LHFPL3: variants seen among roughly 807,000 people sequenced by gnomAD.
LHFPL3 encodes LHFPL tetraspan subfamily member 3, also known as LHFPL tetraspan subfamily member 3 protein.
Under a neutral mutation model 19.3 loss-of-function variants are expected in LHFPL3, and 5 were observed. That is an observed-to-expected ratio of 0.26 (90% CI 0.14 to 0.54). The LOEUF is 0.54. LHFPL3 is among the 20% of genes least tolerant of loss of function. The pLI is 0.94. For missense variants in LHFPL3, 249 were observed against 307.4 expected (o/e 0.81, Z 1.42); for synonymous variants, 133 against 126.2 (o/e 1.05, Z -0.36).
intron 1 of LHFPL3, among the ~76,000 whole-genome samples, chr7:104,589,851 G>GTT (rs1790669771): frequency 1.3e-5 from 2 of 152,182 alleles, no homozygotes; most frequent in Non-Finnish European, 2.9e-5. Flanking sequence ...GAGGGTGTAT[G>GTT]TGCCGAGGAA....
At chr7:104,657,141 C>T (rs1051908231) in intron 1 of LHFPL3, among the ~76,000 whole-genome samples, 4 of 152,232 alleles carry the variant, frequency 2.6e-5, no homozygotes, top group East Asian at 3.8e-4. Flanking sequence ...TATAAGCATA[C>T]TAATTGATAT....
chr7:104,342,391 C>T (rs1789974857), intron 1 of LHFPL3, among the ~76,000 whole-genome samples: 1 of 152,066 alleles, frequency 6.6e-6, no homozygotes, highest in South Asian at 2.1e-4. Flanking sequence ...TAACTCAGAA[C>T]ATGGACCGCA....
rs370412604 is a variant in LHFPL3 at position 104,813,173 on chromosome 7, G to A, written c.682+76262G>A. ...CACAACTGTGGTGCCAGCTACTGGG[G>A]AGGCTGAGGTGGGAGGATCACTTGA... On this transcript the variant is annotated intron_variant, in intron 2 of 2. Coordinates refer to ENST00000424859, the MANE Select transcript of LHFPL3 (RefSeq NM_199000.3). 7.2e-5 allele frequency among the ~76,000 whole-genome samples: 11 copies of A among 152,254 alleles called. No individual in the cohort carries two copies. In the East Asian group the frequency reaches 1.2e-3, roughly 16 times the overall value.
chr7:104,795,477 A>C (rs920395857), intron 2 of LHFPL3, among the ~76,000 whole-genome samples: 2 of 152,200 alleles, frequency 1.3e-5, no homozygotes, highest in Admixed American at 1.3e-4. Context: ...GTATGCCTCA[A>C]TTGTATTAGG....
intron 1 of LHFPL3, among the ~76,000 whole-genome samples, chr7:104,339,546 C>T (rs1286965500): frequency 2.0e-5 from 3 of 152,316 alleles, no homozygotes; most frequent in Middle Eastern, 3.4e-3. Flanking sequence ...GAGATCAACA[C>T]GCATCTGATT....
At chr7:104,877,056 A>C (rs557966391) in intron 2 of LHFPL3, among the ~76,000 whole-genome samples, 47 of 152,256 alleles carry the variant, frequency 3.1e-4, no homozygotes, top group African/African-American at 1.1e-3. Flanking sequence ...TGTTCTCACT[A>C]ATAGGTGGAA....
chr7:104,602,020 C>CTTTTTTTT (rs57501560), intron 1 of LHFPL3, among the ~76,000 whole-genome samples: 1,768 of 91,302 alleles, frequency 0.019, 57 homozygotes, highest in Middle Eastern at 0.023. Context: ...TTTTTCTTTT[C>CTTTTTTTT]TTTTTTTTTT....
At chr7:104,573,184 G>A (rs997739929) in intron 1 of LHFPL3, among the ~76,000 whole-genome samples, 3 of 152,198 alleles carry the variant, frequency 2.0e-5, no homozygotes, top group South Asian at 2.1e-4. Flanking sequence ...AGGCCAAGGC[G>A]GGCGGATCAC....
chr7:104,635,852 A>G (rs1255319813), intron 1 of LHFPL3, among the ~76,000 whole-genome samples: 6 of 152,070 alleles, frequency 3.9e-5, no homozygotes. Context: ...AAGCTAGAAG[A>G]CTCTAAGAGG....
At chr7:104,626,190 C>T (rs1326779275) in intron 1 of LHFPL3, among the ~76,000 whole-genome samples, 5 of 152,196 alleles carry the variant, frequency 3.3e-5, no homozygotes, top group Non-Finnish European at 7.3e-5. Flanking sequence ...GTGCCTGCTT[C>T]CTTACAAGAT....
At chr7:104,496,119 T>A (rs546360436) in intron 1 of LHFPL3, among the ~76,000 whole-genome samples, 132 of 152,222 alleles carry the variant, frequency 8.7e-4, no homozygotes, top group Non-Finnish European at 1.3e-3. Context: ...TCCCTCCTCC[T>A]TCCCCCCACC....
intron 2 of LHFPL3, among the ~76,000 whole-genome samples, chr7:104,748,718 A>G (rs1794097440): frequency 6.6e-6 from 1 of 152,168 alleles, no homozygotes; most frequent in African/African-American, 2.4e-5. Flanking sequence ...TGATCAATAA[A>G]TACTAAGGGA....
At chr7:104,547,925 G>A (rs184730847) in intron 1 of LHFPL3, among the ~76,000 whole-genome samples, 1 of 152,180 alleles carries the variant, frequency 6.6e-6, no homozygotes, top group African/African-American at 2.4e-5. Flanking sequence ...CTTTTCATTT[G>A]ATCTCACAGT....
chr7:104,656,078 C>T (rs1792115244), intron 1 of LHFPL3, among the ~76,000 whole-genome samples: 1 of 152,064 alleles, frequency 6.6e-6, no homozygotes, highest in African/African-American at 2.4e-5. Flanking sequence ...ATAATTGGAG[C>T]TTCTCCATCT....
intron 2 of LHFPL3, among the ~76,000 whole-genome samples, chr7:104,849,242 C>A (rs1206724329): frequency 6.6e-6 from 1 of 152,192 alleles, no homozygotes; most frequent in Admixed American, 6.5e-5. Flanking sequence ...ACTCTGCCTT[C>A]TTTTCTGCTT....
At chr7:104,747,431 T>G (rs1282538793) in intron 2 of LHFPL3, among the ~76,000 whole-genome samples, 1 of 152,024 alleles carries the variant, frequency 6.6e-6, no homozygotes, top group Non-Finnish European at 1.5e-5. Flanking sequence ...AAGACAAGAA[T>G]CCCCCGTGTA....
intron 1 of LHFPL3, among the ~76,000 whole-genome samples, chr7:104,366,603 A>C (rs533249246): frequency 6.6e-6 from 1 of 152,280 alleles, no homozygotes; most frequent in East Asian, 1.9e-4. Context: ...TCCTTTCTCT[A>C]TGACTGACTT....
intron 2 of LHFPL3, among the ~76,000 whole-genome samples, chr7:104,740,426 G>C (rs1446066853): frequency 6.6e-6 from 1 of 152,152 alleles, no homozygotes; most frequent in Non-Finnish European, 1.5e-5. Flanking sequence ...TCTTCTTTTT[G>C]TGGCTATTGT....
intron 2 of LHFPL3, among the ~76,000 whole-genome samples, chr7:104,832,323 C>T (rs1276068601): frequency 6.6e-6 from 1 of 151,846 alleles, no homozygotes; most frequent in African/African-American, 2.4e-5. Flanking sequence ...AAAGAAAACA[C>T]CTAACTATGA....
Sources: allele counts gnomAD v4.1 joint callset (sites outside exome capture counted in the v4.1 genomes callset), GRCh38; gene constraint gnomAD v4.1.1; transcripts MANE v1.5; gene names NCBI Gene and HGNC (gene_info 2026-07-23, HGNC 2026-07-21).